NLRC5: variants seen among roughly 807,000 people sequenced by gnomAD.
NLRC5 encodes the protein protein NLRC5.
In NLRC5, 114 loss-of-function variants were observed where a neutral mutation model predicts 206.9. The ratio of observed to expected loss-of-function variants is 0.55; its 90% CI spans 0.47 to 0.64. NLRC5 has a LOEUF of 0.64. Among genes scored for constraint, NLRC5 ranks in the 30% least tolerant of loss-of-function variants. The pLI is 0.00. For synonymous variants in NLRC5, 952 were observed against 962.8 expected (o/e 0.99, Z 0.21); for missense variants, 2,008 against 2,305.5 (o/e 0.87, Z 2.64).
In NLRC5 at chr16:57,026,162, G is replaced by A. The variant is rs755519195; in HGVS notation, c.1219G>A (p.Ala407Thr). Residue 407 changes from alanine to threonine, a missense_variant, in exon 6 of 49, where the codon GCA (alanine) becomes ACA (threonine). Transcript: ENST00000688547. ...GRLRSLCAVP[A>T]LCQVACLCLH... ...TCTCCGAAGCCTGTGTGCGGTGCCC[G>A]CACTGTGCCAAGTCGCCTGTCTCTG... 22 of 1,613,696 alleles carry A rather than the reference G, an allele frequency of 1.4e-5. No homozygotes were observed. The highest frequency in any genetic ancestry group is 1.9e-5 in the Non-Finnish European group (22 of 1,180,048).
intron 2 of NLRC5, among the ~76,000 whole-genome samples, chr16:57,019,509 A>G (rs750229207): frequency 1.3e-4 from 20 of 152,366 alleles, no homozygotes; most frequent in African/African-American, 4.3e-4. Context: ...ACTAAACAAC[A>G]GTGGCTTAAC....
intron 1 of NLRC5, among the ~76,000 whole-genome samples, chr16:57,005,588 T>C (rs1483794777): frequency 6.6e-6 from 1 of 152,104 alleles, no homozygotes; most frequent in Non-Finnish European, 1.5e-5. Flanking sequence ...ATTCAACTTT[T>C]AAAACTTAAT....
intron 18 of NLRC5, 105 bp downstream of exon 18, chr16:57,041,679 C>T: frequency 1.1e-6 from 1 of 886,300 alleles, no homozygotes; most frequent in Non-Finnish European, 1.8e-6. Flanking sequence ...TGTTCTTTCC[C>T]TGCTGAAGTC....
At position 57,051,558 on chromosome 16, in the gene NLRC5, G is replaced by A; in HGVS notation, c.3443G>A (p.Ser1148Asn). 2 of 1,613,998 alleles carry A rather than the reference G, an allele frequency of 1.2e-6. No individual in the cohort carries two copies. Among genetic ancestry groups the A allele is most frequent in the Non-Finnish European group, 8.5e-7 (1 of 1,179,892 alleles). Residue 1148 changes from serine to asparagine, a missense_variant, in exon 24 of 49, where the codon AGT (serine) becomes AAT (asparagine). By Grantham distance (46) the Ser-to-Asn change is conservative. Transcript: ENST00000688547. ...CACAGATTGTCCTGTGAGTTCCTGA[G>A]TGACCAGAGCCTGGAGACTCTACTG... ...LELQLSCEFL[S>N]DQSLETLLDC...
chr16:57,059,086 A>T lies in NLRC5; in HGVS notation c.3920+25A>T, dbSNP rs746797412. The stretch of plus-strand genomic sequence containing the variant: ...AGTAAGGGGATGTTGGTCCCCGAAA[A>T]GCCCCTTTCTGCTGGCCAACAGGTG... On this transcript the variant is annotated intron_variant, in intron 29 of 48. Transcript: ENST00000688547. 2.5e-6 allele frequency: 4 copies of T among 1,613,502 alleles called. No individual in the cohort carries two copies. In the East Asian group the frequency reaches 8.9e-5, roughly 36 times the overall value.
intron 1 of NLRC5, chr16:56,991,144 C>T (rs2056775781): frequency 6.6e-6 from 1 of 152,092 alleles, no homozygotes; most frequent in African/African-American, 2.4e-5. Context: ...CCTTGATCAA[C>T]CTTAAAATGC....
At chr16:57,036,222 C>T (rs144536482) in intron 14 of NLRC5, 39 bp downstream of exon 14, 20 of 1,587,864 alleles carry the variant, frequency 1.3e-5, no homozygotes, top group Middle Eastern at 4.1e-4. Context: ...CAGGGAAGGC[C>T]CTGTAGAGCC....
intron 39 of NLRC5, among the ~76,000 whole-genome samples, chr16:57,075,377 G>A (rs748415865): frequency 1.3e-5 from 2 of 152,122 alleles, no homozygotes; most frequent in African/African-American, 2.4e-5. Context: ...GTGCCACCAC[G>A]CCCGGCTAAT....
At chr16:57,046,417 T>C (rs1357033938) in intron 21 of NLRC5, 135 bp from the exon 22 acceptor site, 1 of 666,946 alleles carries the variant, frequency 1.5e-6, no homozygotes, top group Non-Finnish European at 2.6e-6. Flanking sequence ...AGCCCTGACT[T>C]TCCAAGTCTG....
At chr16:57,036,725 G>A (rs1456588525) in intron 14 of NLRC5, among the ~76,000 whole-genome samples, 1 of 151,930 alleles carries the variant, frequency 6.6e-6, no homozygotes, top group Admixed American at 6.6e-5. Flanking sequence ...GTTGAGATTG[G>A]GTAGCAGTGG....
intron 19 of NLRC5, among the ~76,000 whole-genome samples, chr16:57,042,716 T>C (rs1376159170): frequency 6.6e-6 from 1 of 152,206 alleles, no homozygotes; most frequent in Non-Finnish European, 1.5e-5. Context: ...TGTGTGATTC[T>C]GGGCAAGTTA....
Position 57,051,522 on chromosome 16 carries a change from CT to C in NLRC5, c.3423-15del. 1 of 1,607,404 alleles carries C rather than the reference CT, an allele frequency of 6.2e-7. No homozygotes were observed. Among genetic ancestry groups the C allele is most frequent in the Non-Finnish European group, 8.5e-7 (1 of 1,173,956 alleles). The stretch of plus-strand genomic sequence containing the variant: ...GGAAGGTTTCCCCCACCTCATCCAC[CT>C]GCTTTGTTTCACAGATTGTCCTGTG... On this transcript the variant is annotated splice_polypyrimidine_tract_variant and intron_variant, in intron 23 of 48. Coordinates refer to ENST00000688547, the MANE Select transcript of NLRC5 (RefSeq NM_001384950.1).
intron 1 of NLRC5, chr16:57,013,136 C>A: frequency 3.0e-6 from 1 of 335,432 alleles, no homozygotes; most frequent in Non-Finnish European, 5.8e-6. Flanking sequence ...TTATTCAACT[C>A]AAAATCTTCA....
intron 18 of NLRC5, 98 bp from the exon 19 acceptor site, chr16:57,041,884 A>C: frequency 1.3e-6 from 1 of 798,758 alleles, no homozygotes; most frequent in Non-Finnish European, 2.0e-6. Context: ...GGCTGTGTCC[A>C]GTTTCAGGAA....
chr16:56,989,879 G>A (rs2056591783), intron 1 of NLRC5, among the ~76,000 whole-genome samples: 1 of 152,192 alleles, frequency 6.6e-6, no homozygotes, highest in Non-Finnish European at 1.5e-5. Flanking sequence ...GATGAGGGTC[G>A]CCTGGATGGG....
intron 1 of NLRC5, among the ~76,000 whole-genome samples, chr16:56,997,042 T>C (rs2057697847): frequency 6.6e-6 from 1 of 152,104 alleles, no homozygotes; most frequent in African/African-American, 2.4e-5. Flanking sequence ...GCTAATTTTT[T>C]TGCATTTTTT....
intron 1 of NLRC5, among the ~76,000 whole-genome samples, chr16:56,999,792 G>A (rs1463555865): frequency 6.6e-6 from 1 of 152,326 alleles, no homozygotes; most frequent in South Asian, 2.1e-4. Context: ...GGGGCTCTCA[G>A]AGGACAAGAA....
chr16:57,079,167 C>T (rs749133700), intron 44 of NLRC5, 34 bp downstream of exon 44: 2 of 1,613,766 alleles, frequency 1.2e-6, no homozygotes, highest in South Asian at 2.2e-5. Flanking sequence ...GGCACGGGGA[C>T]AGTCCTGGGC....
At position 57,026,968 on chromosome 16, in the gene NLRC5, G is replaced by C. The variant is rs1229448129; in HGVS notation, c.2025G>C (p.Glu675Asp). Reference sequence around the variant, plus strand: ...TGGATTTTGATGGCTGTCCCCTGGAGCCCCACTGCCCTGAGGCTCTGGTAG... The same window carrying C: ...TGGATTTTGATGGCTGTCCCCTGGACCCCCACTGCCCTGAGGCTCTGGTAG... ...IHLDFDGCPLEPHCPEALVGC... is the reference protein window; with the variant it reads ...IHLDFDGCPLDPHCPEALVGC... Residue 675 changes from glutamate (E) to aspartate (D), a missense_variant, in exon 6 of 49, where the codon GAG becomes GAC. Physicochemically the swap from Glu to Asp is conservative, Grantham distance 45 (BLOSUM62 2). Coordinates refer to ENST00000688547, the MANE Select transcript of NLRC5 (RefSeq NM_001384950.1). 6.2e-7 allele frequency: 1 copy of C among 1,614,058 alleles called. No individual in the cohort carries two copies. Among genetic ancestry groups the C allele is most frequent in the East Asian group, 2.2e-5 (1 of 44,894 alleles).
Sources: allele counts gnomAD v4.1 joint callset (sites outside exome capture counted in the v4.1 genomes callset), GRCh38; gene constraint gnomAD v4.1.1; transcripts MANE v1.5; gene names NCBI Gene and HGNC (gene_info 2026-07-23, HGNC 2026-07-21).